MARCHF5: variants seen among roughly 807,000 people sequenced by gnomAD.
MARCHF5 encodes the protein membrane associated ring-CH-type finger 5, also known as E3 ubiquitin-protein ligase MARCHF5.
MARCHF5 carries 5 observed loss-of-function variants against 36.5 expected under a neutral mutation model. That is an observed-to-expected ratio of 0.14 (90% CI 0.07 to 0.29). The LOEUF (loss-of-function observed/expected upper bound fraction) is 0.29. MARCHF5 is among the 10% of genes least tolerant of loss of function. The pLI is 1.00. For synonymous variants in MARCHF5, 103 were observed against 109.9 expected, an observed-to-expected ratio of 0.94 and a Z score of 0.39; for missense variants, 179 against 336.3, an observed-to-expected ratio of 0.53 and a Z score of 3.66.
Position 92,337,911 on chromosome 10 carries a change from T to C in MARCHF5, c.239-2762T>C, listed in dbSNP as rs375043495. ...TTACCAGGCCAGGCATGGTGGTACA[T>C]GCCTGTAATCCTAGCACTTTGGGAA... is the stretch of plus-strand genomic sequence containing the variant. On this transcript the variant is annotated intron_variant, in intron 2 of 5. Transcript: ENST00000358935. 3.3e-5 allele frequency among the ~76,000 whole-genome samples: 5 copies of C among 151,706 alleles called. No homozygotes were observed. In the East Asian group the frequency reaches 5.8e-4, roughly 18 times the overall value.
rs1262633871 is a variant in MARCHF5, at chr10:92,346,550, G to A, written c.370-2799G>A. Among the ~76,000 whole-genome samples the A allele has an allele frequency of 2.2e-5, 3 of 133,646 alleles. No homozygotes were observed. The East Asian group carries it at 6.4e-4, about 29-fold the overall frequency. The allele number at this position is 133,646 out of a possible 152,430, so 87.7% of individuals were successfully genotyped here. On this transcript the variant is annotated intron_variant, in intron 3 of 5. Coordinates refer to ENST00000358935, the MANE Select transcript of MARCHF5 (RefSeq NM_017824.5). ...TTTCACTCTTGTTGCTCAGGCTGGT[G>A]CAATCTCGGCTCACTGCAACCTCCA...
At chr10:92,324,608 C>T (rs111571776) in intron 2 of MARCHF5, among the ~76,000 whole-genome samples, 23 of 152,270 alleles carry the variant, frequency 1.5e-4, no homozygotes, top group African/African-American at 4.3e-4. Context: ...ATGCCGCACC[C>T]GGCCTCTCAT....
chr10:92,301,986 G>A (rs1333500468), intron 1 of MARCHF5, among the ~76,000 whole-genome samples: 4 of 152,078 alleles, frequency 2.6e-5, no homozygotes, highest in African/African-American at 4.8e-5. Flanking sequence ...GCTTGAACCC[G>A]GGAGGCAGAG....
At chr10:92,292,280 T>C (rs1842886605) in intron 1 of MARCHF5, among the ~76,000 whole-genome samples, 1 of 152,170 alleles carries the variant, frequency 6.6e-6, no homozygotes, top group African/African-American at 2.4e-5. Flanking sequence ...CTGTTGAAAT[T>C]CTGGTCCGTG....
At chr10:92,313,599 C>T (rs888251960) in intron 2 of MARCHF5, among the ~76,000 whole-genome samples, 5 of 149,004 alleles carry the variant, frequency 3.4e-5, no homozygotes, top group African/African-American at 1.2e-4. Flanking sequence ...AGCGAGACGC[C>T]GTGCTAAAAA....
chr10:92,306,119 A>G (rs886734693), intron 1 of MARCHF5, among the ~76,000 whole-genome samples: 26 of 152,238 alleles, frequency 1.7e-4, no homozygotes, highest in Admixed American at 1.6e-3. Flanking sequence ...TAGGCACAGC[A>G]CATCTTGATC....
intron 2 of MARCHF5, among the ~76,000 whole-genome samples, chr10:92,332,792 T>C (rs527400946): frequency 4.0e-4 from 61 of 151,884 alleles, no homozygotes; most frequent in Non-Finnish European, 6.0e-4. Flanking sequence ...GTTCTGGGAT[T>C]ACAGGTGTGA....
chr10:92,297,424 CCTCCCAAAG>C lies in MARCHF5; in HGVS notation c.35+5905_35+5913del, dbSNP rs1842959904. 2.6e-5 allele frequency among the ~76,000 whole-genome samples: 4 copies of C among 151,882 alleles called. No homozygotes were observed. The South Asian group carries it at 8.3e-4, about 32-fold the overall frequency. On this transcript the variant is annotated intron_variant, in intron 1 of 5. Coordinates refer to ENST00000358935, the MANE Select transcript of MARCHF5 (RefSeq NM_017824.5). ...GGCTCAAGTGATCCGCTCGCCTCGG[CCTCCCAAAG>C]CTCCCAAAGTGGGGGACTACAGGTG... is the stretch of plus-strand genomic sequence containing the variant.
At chr10:92,348,395 A>G (rs1207507297) in intron 3 of MARCHF5, among the ~76,000 whole-genome samples, 2 of 151,994 alleles carry the variant, frequency 1.3e-5, no homozygotes, top group African/African-American at 4.8e-5. Context: ...AGGCTAAGGC[A>G]GAAGAATCGC....
At chr10:92,348,222 C>G (rs1843679642) in intron 3 of MARCHF5, among the ~76,000 whole-genome samples, 1 of 148,266 alleles carries the variant, frequency 6.7e-6, no homozygotes, top group Non-Finnish European at 1.5e-5. Flanking sequence ...GGCACGGTGG[C>G]TCGCGCCTGT....
intron 1 of MARCHF5, 95 bp from the exon 2 acceptor site, chr10:92,311,040 C>A: frequency 1.2e-6 from 1 of 824,450 alleles, no homozygotes; most frequent in Non-Finnish European, 1.9e-6. Context: ...TGTAATATAA[C>A]ATAGCAGGCT....
rs1020870311 is a variant in MARCHF5, at chr10:92,351,519, T to TA, written c.*319dup. The TA allele has an allele frequency of 1.9e-4, 35 of 188,008 alleles. 1 individual carries two copies. The highest frequency in any genetic ancestry group is 7.3e-4 in the Admixed American group (12 of 16,410). 11.6% of individuals were successfully genotyped at this position (188,008 alleles called of 1,614,324 possible). On this transcript the variant is annotated 3_prime_UTR_variant, in exon 6 of 6. Coordinates refer to ENST00000358935, the MANE Select transcript of MARCHF5 (RefSeq NM_017824.5). ...TGCAAAGATCAAACTGTGCAAATAT[T>TA]AAAAAAATGCACATGCTGTTTTATT...
At chr10:92,325,207 T>C (rs1236240504) in intron 2 of MARCHF5, among the ~76,000 whole-genome samples, 1 of 152,054 alleles carries the variant, frequency 6.6e-6, no homozygotes, top group Non-Finnish European at 1.5e-5. Context: ...CCAGGCATGG[T>C]GGCACATGCC....
In MARCHF5 at chr10:92,326,003, T is replaced by C. The variant is rs534839278; in HGVS notation, c.238+14666T>C. Among the ~76,000 whole-genome samples, 24 of 152,286 alleles carry C rather than the reference T, an allele frequency of 1.6e-4. No individual in the cohort carries two copies. The South Asian group carries it at 4.8e-3, about 30-fold the overall frequency. On this transcript the variant is annotated intron_variant, in intron 2 of 5. Coordinates refer to ENST00000358935, the MANE Select transcript of MARCHF5 (RefSeq NM_017824.5). ...TACTCTTATTTTATTGTTGCTCTTA[T>C]AACTAAACATTAATTGAAACTTCTT...
chr10:92,347,880 ACTTT>A (rs1843672545), intron 3 of MARCHF5, among the ~76,000 whole-genome samples: 1 of 152,074 alleles, frequency 6.6e-6, no homozygotes, highest in Non-Finnish European at 1.5e-5. Context: ...CTCTCCACAC[ACTTT>A]CATAAAACAT....
chr10:92,334,656 A>G (rs1843481751), intron 2 of MARCHF5: 1 of 152,218 alleles, frequency 6.6e-6, no homozygotes, highest in Non-Finnish European at 1.5e-5. Context: ...CTGAACTTCC[A>G]AGGTGTACCT....
chr10:92,319,639 G>GTTATTTGT (rs1843264294), intron 2 of MARCHF5, among the ~76,000 whole-genome samples: 2 of 123,900 alleles, frequency 1.6e-5, no homozygotes, highest in African/African-American at 7.0e-5. Context: ...TTGTGTGTTT[G>GTTATTTGT]TTTTTTGTTT....
intron 3 of MARCHF5, among the ~76,000 whole-genome samples, chr10:92,348,877 G>A (rs977390208): frequency 6.6e-6 from 1 of 152,200 alleles, no homozygotes; most frequent in Admixed American, 6.5e-5. Flanking sequence ...TAAGGAGAAA[G>A]AGCCAAAGAG....
intron 1 of MARCHF5, among the ~76,000 whole-genome samples, chr10:92,298,119 A>T (rs760447800): frequency 4.6e-5 from 7 of 152,150 alleles, no homozygotes; most frequent in Non-Finnish European, 8.8e-5. Context: ...AATCGCTTGA[A>T]CCTGGGAGGC....
Sources: gnomAD v4.1 joint callset for allele counts (sites outside exome capture counted in the v4.1 genomes callset) on GRCh38, gnomAD v4.1.1 for gene constraint, MANE v1.5 for transcripts, NCBI Gene and HGNC (gene_info 2026-07-23, HGNC 2026-07-21) for gene names.